ATRNL1: variants seen among roughly 807,000 people sequenced by gnomAD.
The protein encoded by ATRNL1 is attractin-like protein 1.
Under a neutral mutation model 182.7 loss-of-function variants are expected in ATRNL1, and 95 were observed. The ratio of observed to expected loss-of-function variants is 0.52; its 90% CI spans 0.44 to 0.62. The LOEUF (loss-of-function observed/expected upper bound fraction) is 0.62. ATRNL1 is among the 20% of genes least tolerant of loss of function. The probability of loss-of-function intolerance (pLI) is 0.00; values close to 1 mark genes in which losing one functional copy is unlikely to be tolerated. For missense variants in ATRNL1, 1,471 were observed against 1,679.5 expected, an observed-to-expected ratio of 0.88 and a Z score of 2.17; for synonymous variants, 576 against 568.3, an observed-to-expected ratio of 1.01 and a Z score of -0.19.
chr10:115,718,010 C>T (rs1294290793), intron 26 of ATRNL1, among the ~76,000 whole-genome samples: 2 of 152,114 alleles, frequency 1.3e-5, no homozygotes, highest in East Asian at 1.9e-4. Flanking sequence ...AGTCCGTACA[C>T]GATTCACTAG....
chr10:115,943,610 T>A (rs1354375775), intron 28 of ATRNL1, among the ~76,000 whole-genome samples: 4 of 35,122 alleles, frequency 1.1e-4, no homozygotes, highest in African/African-American at 2.6e-4. Context: ...AAATACAGTT[T>A]GGCTTTTTTT....
intron 27 of ATRNL1, among the ~76,000 whole-genome samples, chr10:115,754,955 A>G (rs1415026449): frequency 6.6e-6 from 1 of 152,036 alleles, no homozygotes; most frequent in African/African-American, 2.4e-5. Flanking sequence ...TTGACTCATG[A>G]TTTGGCTCTC....
chr10:115,285,420 A>G (rs1554918392), intron 14 of ATRNL1, among the ~76,000 whole-genome samples: 2 of 152,088 alleles, frequency 1.3e-5, no homozygotes, highest in African/African-American at 2.4e-5. Context: ...TAGAGGCGCT[A>G]ATACATTTCA....
chr10:115,171,494 A>G, intron 8 of ATRNL1: 1 of 426,046 alleles, frequency 2.3e-6, no homozygotes, highest in Non-Finnish European at 4.0e-6. Context: ...TAACCAAATG[A>G]GGGGAAATAT....
intron 26 of ATRNL1, among the ~76,000 whole-genome samples, chr10:115,704,865 TTCTA>T (rs1555052611): frequency 6.6e-6 from 1 of 151,916 alleles, no homozygotes; most frequent in Non-Finnish European, 1.5e-5. Flanking sequence ...ATCTTTCTTC[TTCTA>T]TCTCTTTCTC....
intron 26 of ATRNL1, among the ~76,000 whole-genome samples, chr10:115,643,135 G>C (rs2133861788): frequency 6.6e-6 from 1 of 152,246 alleles, no homozygotes; most frequent in East Asian, 1.9e-4. Flanking sequence ...TCATTAAAGA[G>C]TAGATCCATA....
At chr10:115,637,514 C>T (rs1555028599) in intron 26 of ATRNL1, among the ~76,000 whole-genome samples, 1 of 150,892 alleles carries the variant, frequency 6.6e-6, no homozygotes, top group Non-Finnish European at 1.5e-5. Flanking sequence ...TATGTTTTAA[C>T]CTGCGTTATT....
intron 26 of ATRNL1, among the ~76,000 whole-genome samples, chr10:115,599,790 C>G (rs1555015348): frequency 1.3e-5 from 2 of 152,110 alleles, no homozygotes; most frequent in Admixed American, 1.3e-4. Context: ...AAAACTGTCA[C>G]TCTATAACAA....
intron 26 of ATRNL1, among the ~76,000 whole-genome samples, chr10:115,650,550 C>T (rs567080210): frequency 1.1e-4 from 17 of 152,028 alleles, no homozygotes; most frequent in South Asian, 2.1e-4. Flanking sequence ...TCCAGTGGAA[C>T]GCACACACAC....
Position 115,537,166 on chromosome 10 carries a change from G to A in ATRNL1, c.3717-12292G>A, listed in dbSNP as rs563417497. 6.6e-5 allele frequency among the ~76,000 whole-genome samples: 10 copies of A among 152,228 alleles called. No homozygotes were observed. The South Asian group carries it at 1.9e-3, about 28-fold the overall frequency. On this transcript the variant is annotated intron_variant, in intron 25 of 28. Coordinates refer to ENST00000355044, the MANE Select transcript of ATRNL1 (RefSeq NM_207303.4). ...TCTTGTAAACCAAAATATTTAATGC[G>A]GTGGGAGTAAACTAGTGATGGTACG... is the stretch of plus-strand genomic sequence containing the variant.
intron 9 of ATRNL1, among the ~76,000 whole-genome samples, chr10:115,223,584 G>A (rs72836580): frequency 0.1 from 15,911 of 151,732 alleles, 1,035 homozygotes; most frequent in South Asian, 0.15. Context: ...CCAAAAAACC[G>A]GCAAGAACAT....
chr10:115,540,689 G>A (rs1039869317), intron 25 of ATRNL1, among the ~76,000 whole-genome samples: 8 of 151,570 alleles, frequency 5.3e-5, no homozygotes, highest in Admixed American at 2.0e-4. Context: ...CCCAGGAGGC[G>A]GAGGTTGCAG....
At chr10:115,941,460 C>T (rs1380179478) in intron 28 of ATRNL1, among the ~76,000 whole-genome samples, 3 of 152,138 alleles carry the variant, frequency 2.0e-5, no homozygotes, top group South Asian at 2.1e-4. Flanking sequence ...ACTCCTCTCC[C>T]GATGCTATAT....
intron 19 of ATRNL1, among the ~76,000 whole-genome samples, chr10:115,351,858 A>G (rs1347350115): frequency 2.6e-5 from 4 of 152,106 alleles, no homozygotes; most frequent in Non-Finnish European, 2.9e-5. Context: ...GTGTTCTCTC[A>G]TCCTTGACTT....
chr10:115,256,710 G>T (rs1331714973), intron 10 of ATRNL1, among the ~76,000 whole-genome samples: 3 of 152,106 alleles, frequency 2.0e-5, no homozygotes, highest in Admixed American at 1.3e-4. Context: ...TGCTTCTCTA[G>T]TTCTCTTATT....
chr10:115,427,032 C>T (rs1331233342), intron 21 of ATRNL1, among the ~76,000 whole-genome samples: 5 of 152,116 alleles, frequency 3.3e-5, no homozygotes, highest in Admixed American at 3.3e-4. Flanking sequence ...TTATCTTTAA[C>T]TTTTAAAGAA....
At chr10:115,374,706 A>T in intron 19 of ATRNL1, among the ~76,000 whole-genome samples, 1 of 151,890 alleles carries the variant, frequency 6.6e-6, no homozygotes, top group East Asian at 1.9e-4. Flanking sequence ...GTCAAGACAT[A>T]TTTAAGTTTC....
intron 27 of ATRNL1, among the ~76,000 whole-genome samples, chr10:115,742,218 A>T (rs1274038935): frequency 1.3e-5 from 2 of 152,148 alleles, no homozygotes; most frequent in African/African-American, 4.8e-5. Context: ...TAATTTAAGA[A>T]ATTGGCAGTT....
chr10:115,771,660 C>T (rs1024329897), intron 27 of ATRNL1, among the ~76,000 whole-genome samples: 9 of 152,174 alleles, frequency 5.9e-5, no homozygotes, highest in African/African-American at 2.2e-4. Flanking sequence ...CTTTTCTATG[C>T]TTTCCTTCCT....
Sources: allele counts gnomAD v4.1 joint callset (sites outside exome capture counted in the v4.1 genomes callset), GRCh38; gene constraint gnomAD v4.1.1; transcripts MANE v1.5; gene names NCBI Gene and HGNC (gene_info 2026-07-23, HGNC 2026-07-21).